PAX7: variants seen among roughly 807,000 people sequenced by gnomAD.
The protein encoded by PAX7 is paired box 7.
A neutral mutation model predicts 50.7 loss-of-function variants in PAX7; 18 were observed. The observed-to-expected ratio is 0.36, with a 90% CI of 0.25 to 0.53. The LOEUF (loss-of-function observed/expected upper bound fraction) is 0.53, where lower values mean the gene tolerates loss of function less well. PAX7 is among the 20% of genes least tolerant of loss of function. The probability of loss-of-function intolerance (pLI) is 0.93; values close to 1 mark genes in which losing one functional copy is unlikely to be tolerated. For synonymous variants in PAX7, 310 were observed against 290.4 expected (o/e 1.07, Z -0.69); for missense variants, 644 against 702.9 (o/e 0.92, Z 0.95).
intron 7 of PAX7, among the ~76,000 whole-genome samples, chr1:18,721,046 G>T (rs114752939): frequency 0.01 from 1,567 of 152,180 alleles, 35 homozygotes; most frequent in African/African-American, 0.036. Flanking sequence ...GCAGCAGGCA[G>T]GTCCCTTTCT....
intron 4 of PAX7, among the ~76,000 whole-genome samples, chr1:18,652,993 G>A (rs572897377): frequency 1.3e-5 from 2 of 152,300 alleles, no homozygotes; most frequent in East Asian, 3.9e-4. Flanking sequence ...CAAGTGGAGA[G>A]CCAGTCATTG....
In PAX7 at chr1:18,655,773, GT is replaced by G. The variant is rs1441325725; in HGVS notation, c.586+19403del. On this transcript the variant is annotated intron_variant, in intron 4 of 8. Transcript: ENST00000420770. ...GCCACTGGGGAGACTTGGAGAGGGT[GT>G]GTGTGTGTGTGTGTGTGTGTGTGTG... is the stretch of plus-strand genomic sequence containing the variant. 2.8e-3 allele frequency among the ~76,000 whole-genome samples: 314 copies of G among 113,296 alleles called. 3 individuals are homozygous for G. The highest frequency in any genetic ancestry group is 0.013 in the African/African-American group (298 of 22,806). The allele number at this position is 113,296 out of a possible 152,430, so 74.3% of individuals were successfully genotyped here.
At chr1:18,637,932 G>C (rs2088189209) in intron 4 of PAX7, among the ~76,000 whole-genome samples, 1 of 152,264 alleles carries the variant, frequency 6.6e-6, no homozygotes, top group African/African-American at 2.4e-5. Flanking sequence ...ACTGCCAAGC[G>C]GTCCTTGGCT....
At chr1:18,640,694 C>G (rs1008357644) in intron 4 of PAX7, among the ~76,000 whole-genome samples, 1 of 152,128 alleles carries the variant, frequency 6.6e-6, no homozygotes, top group Non-Finnish European at 1.5e-5. Flanking sequence ...TGAAGCTGTT[C>G]AGAGTGGGAT....
chr1:18,673,817 C>T (rs1244116420), intron 4 of PAX7, among the ~76,000 whole-genome samples: 3 of 152,144 alleles, frequency 2.0e-5, no homozygotes, highest in African/African-American at 4.8e-5. Context: ...AATGAAGACA[C>T]TGCATTTGCA....
chr1:18,742,212 C>T (rs1006009184), intron 8 of PAX7, among the ~76,000 whole-genome samples: 1 of 129,386 alleles, frequency 7.7e-6, no homozygotes, highest in Non-Finnish European at 1.5e-5. Flanking sequence ...GGCTGGAGTG[C>T]AGTGGTGCGA....
intron 7 of PAX7, among the ~76,000 whole-genome samples, chr1:18,730,403 C>T (rs1043758148): frequency 2.0e-5 from 3 of 151,830 alleles, no homozygotes; most frequent in Admixed American, 6.6e-5. Flanking sequence ...AGAGGTGGGG[C>T]TCTGTGTCCT....
intron 7 of PAX7, among the ~76,000 whole-genome samples, chr1:18,713,677 G>A (rs2089382729): frequency 6.6e-6 from 1 of 152,170 alleles, no homozygotes; most frequent in Non-Finnish European, 1.5e-5. Context: ...AGACAATTTA[G>A]TGTGATTTCT....
Position 18,636,450 on chromosome 1 carries a change from G to C in PAX7, c.586+79G>C. The C allele has an allele frequency of 6.7e-7, 1 of 1,501,790 alleles. No individual in the cohort carries two copies. The highest frequency in any genetic ancestry group is 9.0e-7 in the Non-Finnish European group (1 of 1,107,494). 93.0% of individuals were successfully genotyped at this position (1,501,790 alleles called of 1,614,324 possible). A position where few individuals can be genotyped will look rare whatever the true frequency, so the allele number is the denominator to read the frequency against. On this transcript the variant is annotated intron_variant, in intron 4 of 8. Coordinates refer to ENST00000420770, the MANE Select transcript of PAX7 (RefSeq NM_001135254.2). The surrounding 1 kb of genome is among the most constrained non-coding windows in gnomAD (Gnocchi z 5.1). The stretch of plus-strand genomic sequence containing the variant: ...GTGTGCGGGCCAGTGGTTCGCTCCC[G>C]CCGCCGGAGCAGGCGACCAGAACTC...
chr1:18,633,907 T>C (rs1031457555), intron 1 of PAX7, among the ~76,000 whole-genome samples: 1 of 152,206 alleles, frequency 6.6e-6, no homozygotes, highest in African/African-American at 2.4e-5. Context: ...GAGGGACAGA[T>C]AGTCATTGGT....
chr1:18,697,173 A>C (rs2089160374), intron 5 of PAX7, among the ~76,000 whole-genome samples: 1 of 152,220 alleles, frequency 6.6e-6, no homozygotes, highest in Non-Finnish European at 1.5e-5. Flanking sequence ...TATTGGACAC[A>C]GTACACAGAT....
chr1:18,703,425 G>C, intron 7 of PAX7, 129 bp downstream of exon 7: 1 of 784,348 alleles, frequency 1.3e-6, no homozygotes. Context: ...TTTTGTTCTA[G>C]AATCAGGAAT....
chr1:18,639,106 GT>G (rs1352167017), intron 4 of PAX7, among the ~76,000 whole-genome samples: 17 of 152,136 alleles, frequency 1.1e-4, no homozygotes, highest in African/African-American at 4.1e-4. Flanking sequence ...CCCTGAGTCC[GT>G]TTTTTCCTAT....
At chr1:18,691,653 C>G (rs942021335) in intron 4 of PAX7, 101 bp from the exon 5 acceptor site, 1 of 980,462 alleles carries the variant, frequency 1.0e-6, no homozygotes, top group Non-Finnish European at 1.6e-6. Context: ...AGTCATGGGT[C>G]CTAGGTGGGC....
chr1:18,645,149 CGCGT>C (rs2088317864), intron 4 of PAX7, among the ~76,000 whole-genome samples: 1 of 152,172 alleles, frequency 6.6e-6, no homozygotes, highest in Non-Finnish European at 1.5e-5. Context: ...TGCGCGCGCG[CGCGT>C]GCGTGCGCAC....
rs1557554158 is a variant in PAX7 at position 18,726,007 on chromosome 1, TGCGCGC to T, written c.1156-9623_1156-9618del. On this transcript the variant is annotated intron_variant, in intron 7 of 8. Transcript: ENST00000420770. This position sits in a 1 kb window ranked among gnomAD's most constrained non-coding sequence, Gnocchi z 4.8. ...GTGTGTGTGTGTGCGCGCGCGCGCG[TGCGCGC>T]GTGTGTGTGCGTGTGTTTGTGTGTG... Among the ~76,000 whole-genome samples, 3 of 144,516 alleles carry T rather than the reference TGCGCGC, an allele frequency of 2.1e-5. No homozygotes were observed. The highest frequency in any genetic ancestry group is 6.8e-5 in the Admixed American group (1 of 14,736). 94.8% of individuals were successfully genotyped at this position (144,516 alleles called of 152,430 possible). A position where few individuals can be genotyped will look rare whatever the true frequency, so the allele number is the denominator to read the frequency against.
intron 7 of PAX7, among the ~76,000 whole-genome samples, chr1:18,724,298 G>A (rs2089529352): frequency 6.6e-6 from 1 of 152,254 alleles, no homozygotes; most frequent in Non-Finnish European, 1.5e-5. Context: ...ACAGGCCAGT[G>A]GCTAAGGCTG....
intron 8 of PAX7, among the ~76,000 whole-genome samples, chr1:18,738,371 C>G (rs950865684): frequency 2.6e-5 from 4 of 152,140 alleles, no homozygotes; most frequent in African/African-American, 9.7e-5. Context: ...CACCCAAGCT[C>G]GGTGCCCTGC....
chr1:18,700,528 G>T lies in PAX7; in HGVS notation c.787-125G>T, dbSNP rs1342620397. 3.7e-6 allele frequency: 3 copies of T among 821,918 alleles called. No individual in the cohort carries two copies. Among genetic ancestry groups the T allele is most frequent in the Non-Finnish European group, 5.5e-6 (3 of 548,042 alleles). 50.9% of individuals were successfully genotyped at this position (821,918 alleles called of 1,614,324 possible). A position where few individuals can be genotyped will look rare whatever the true frequency, so the allele number is the denominator to read the frequency against. On this transcript the variant is annotated intron_variant, in intron 5 of 8. Transcript: ENST00000420770. This position sits in a 1 kb window ranked among gnomAD's most constrained non-coding sequence, Gnocchi z 4.8. ...AAGCGTCCTGTGCTGCACAATGCCG[G>T]GGCCTGCAGGAGGATGCTGGCTGGA...
Sources: gnomAD v4.1 joint callset for allele counts (sites outside exome capture counted in the v4.1 genomes callset) on GRCh38, gnomAD v4.1.1 for gene constraint, Gnocchi (gnomAD v3.1) non-coding constraint, MANE v1.5 for transcripts, NCBI Gene and HGNC (gene_info 2026-07-23, HGNC 2026-07-21) for gene names.